Variants in HS6ST3 observed in about 807,000 individuals in gnomAD.
HS6ST3 encodes the protein heparan sulfate 6-O-sulfotransferase 3.
A neutral mutation model predicts 36.7 loss-of-function variants in HS6ST3; 12 were observed. The ratio of observed to expected loss-of-function variants is 0.33; its 90% confidence interval spans 0.21 to 0.53. The LOEUF (loss-of-function observed/expected upper bound fraction) is 0.53. HS6ST3 is among the 20% of genes least tolerant of loss of function. HS6ST3 has a pLI of 0.95. For missense variants in HS6ST3, 584 were observed against 640.9 expected, an observed-to-expected ratio of 0.91 and a Z score of 0.96; for synonymous variants, 240 against 257.5, an observed-to-expected ratio of 0.93 and a Z score of 0.65.
rs763008507 is a variant in HS6ST3, at chr13:96,834,953, A to G, written c.*1755A>G. 9 of 152,552 alleles carry G rather than the reference A, an allele frequency of 5.9e-5. No individual in the cohort carries two copies. Among genetic ancestry groups the G allele is most frequent in the Admixed American group, 5.2e-4 (8 of 15,286 alleles). The allele number at this position is 152,552 out of a possible 1,614,324, so 9.4% of individuals were successfully genotyped here. A position where few individuals can be genotyped will look rare whatever the true frequency, so the allele number is the denominator to read the frequency against. ...GTGGCTCCCTTGCTCCAGGAACTGA[A>G]CGAGGCCCTTTTCATACCTTAAATA... On this transcript the variant is annotated 3_prime_UTR_variant, in exon 2 of 2. Transcript: ENST00000376705.
rs535292488 is a variant in HS6ST3, at chr13:96,146,312, G to A, written c.707+54743G>A. Among the ~76,000 whole-genome samples the A allele has an allele frequency of 2.6e-5, 4 of 152,194 alleles. No individual in the cohort carries two copies. In the East Asian group the frequency reaches 7.7e-4, roughly 29 times the overall value. The stretch of plus-strand genomic sequence containing the variant: ...GCATGGAATGTTTTTCCGTTTGTTT[G>A]TATCCTCTTTTATTTCCTTGAGCAG... On this transcript the variant is annotated intron_variant, in intron 1 of 1. Coordinates refer to ENST00000376705, the MANE Select transcript of HS6ST3 (RefSeq NM_153456.4).
chr13:96,384,423 C>G (rs2055357272), intron 1 of HS6ST3, among the ~76,000 whole-genome samples: 2 of 152,076 alleles, frequency 1.3e-5, no homozygotes, highest in African/African-American at 2.4e-5. Context: ...AAAGTTAGTG[C>G]CCATTAGTCT....
intron 1 of HS6ST3, among the ~76,000 whole-genome samples, chr13:96,697,992 T>A (rs1875177828): frequency 6.6e-6 from 1 of 152,210 alleles, no homozygotes; most frequent in African/African-American, 2.4e-5. Context: ...TATTCTCTGC[T>A]ATTTTCCAGA....
chr13:96,407,649 C>T (rs538416), intron 1 of HS6ST3, among the ~76,000 whole-genome samples: 73,231 of 151,988 alleles, frequency 0.48, 18,042 homozygotes, highest in Middle Eastern at 0.59. Flanking sequence ...AAGCACTGTG[C>T]TGGGTGCTGT....
At chr13:96,543,262 C>G (rs891033308) in intron 1 of HS6ST3, among the ~76,000 whole-genome samples, 1 of 152,180 alleles carries the variant, frequency 6.6e-6, no homozygotes, top group Non-Finnish European at 1.5e-5. Flanking sequence ...CATCCTCCCC[C>G]AGGTCTGATT....
intron 1 of HS6ST3, among the ~76,000 whole-genome samples, chr13:96,712,534 A>G (rs1181369470): frequency 2.0e-5 from 3 of 152,152 alleles, no homozygotes; most frequent in Admixed American, 6.5e-5. Flanking sequence ...TGTGTGGCCA[A>G]ATAACAAGAT....
chr13:96,531,385 G>T (rs2056134881), intron 1 of HS6ST3, among the ~76,000 whole-genome samples: 1 of 151,904 alleles, frequency 6.6e-6, no homozygotes, highest in Non-Finnish European at 1.5e-5. Context: ...CACATACTGT[G>T]GAAGATTTTA....
chr13:96,579,679 T>A (rs1312233715), intron 1 of HS6ST3, among the ~76,000 whole-genome samples: 1 of 152,186 alleles, frequency 6.6e-6, no homozygotes, highest in Non-Finnish European at 1.5e-5. Flanking sequence ...AAAACATCAG[T>A]TAAGCTAATT....
chr13:96,253,310 C>T (rs572188517), intron 1 of HS6ST3, among the ~76,000 whole-genome samples: 1 of 152,270 alleles, frequency 6.6e-6, no homozygotes, highest in South Asian at 2.1e-4. Flanking sequence ...TGAGGTGCAA[C>T]ATAAGTGGAC....
intron 1 of HS6ST3, among the ~76,000 whole-genome samples, chr13:96,346,607 G>A (rs1332022227): frequency 6.6e-6 from 1 of 151,678 alleles, no homozygotes; most frequent in African/African-American, 2.4e-5. Flanking sequence ...ATAAAACAAA[G>A]CCAGAAAAAC....
chr13:96,111,118 A>C (rs1163643380), intron 1 of HS6ST3, among the ~76,000 whole-genome samples: 1 of 152,208 alleles, frequency 6.6e-6, no homozygotes, highest in Non-Finnish European at 1.5e-5. Flanking sequence ...ACTGTGCAGG[A>C]TCACTCCCAT....
At chr13:96,643,237 G>T (rs954599723) in intron 1 of HS6ST3, among the ~76,000 whole-genome samples, 3 of 151,880 alleles carry the variant, frequency 2.0e-5, no homozygotes, top group Non-Finnish European at 4.4e-5. Context: ...GCTGAGCTTG[G>T]TGTGTGTACA....
intron 1 of HS6ST3, among the ~76,000 whole-genome samples, chr13:96,135,343 G>A (rs75499745): frequency 0.02 from 3,049 of 152,162 alleles, 88 homozygotes; most frequent in African/African-American, 0.068. Context: ...GAACTCTACT[G>A]CTCTCTGTTA....
At chr13:96,727,546 T>G (rs923600711) in intron 1 of HS6ST3, among the ~76,000 whole-genome samples, 2 of 152,144 alleles carry the variant, frequency 1.3e-5, no homozygotes, top group Admixed American at 6.5e-5. Flanking sequence ...AAATAAAGAT[T>G]GTAATCATAT....
intron 1 of HS6ST3, among the ~76,000 whole-genome samples, chr13:96,259,940 T>TTTCATA (rs2054655894): frequency 6.6e-6 from 1 of 152,200 alleles, no homozygotes; most frequent in East Asian, 1.9e-4. Context: ...TTTGGGTATG[T>TTTCATA]AGCAATATTT....
At chr13:96,443,979 A>C (rs2055686244) in intron 1 of HS6ST3, among the ~76,000 whole-genome samples, 2 of 152,216 alleles carry the variant, frequency 1.3e-5, no homozygotes, top group African/African-American at 4.8e-5. Context: ...ACTGCTGTAC[A>C]TATTCACATA....
intron 1 of HS6ST3, among the ~76,000 whole-genome samples, chr13:96,224,191 C>T (rs2054469632): frequency 1.3e-5 from 2 of 152,190 alleles, no homozygotes; most frequent in South Asian, 2.1e-4. Context: ...TTTCAGTTAT[C>T]CATTGGTTCT....
chr13:96,141,193 G>A (rs1002808454), intron 1 of HS6ST3, among the ~76,000 whole-genome samples: 2 of 152,226 alleles, frequency 1.3e-5, no homozygotes, highest in Non-Finnish European at 2.9e-5. Flanking sequence ...TTACAAAGCT[G>A]CTAAGCTCGA....
chr13:96,655,983 T>C (rs1227876050), intron 1 of HS6ST3, among the ~76,000 whole-genome samples: 1 of 152,150 alleles, frequency 6.6e-6, no homozygotes, highest in Non-Finnish European at 1.5e-5. Context: ...ACCACAATTA[T>C]AATTCAGAAT....
Sources: allele counts gnomAD v4.1 joint callset (sites outside exome capture counted in the v4.1 genomes callset), GRCh38; gene constraint gnomAD v4.1.1; transcripts MANE v1.5; gene names NCBI Gene and HGNC (gene_info 2026-07-23, HGNC 2026-07-21).